The following SART1 variants were observed in gnomAD, a reference collection of about 807,000 sequenced individuals.
SART1 encodes the protein spliceosome associated factor 1, recruiter of U4/U6.U5 tri-snRNP.
Under a neutral mutation model 105.0 loss-of-function variants are expected in SART1, and 28 were observed. That is an observed-to-expected ratio of 0.27 (90% CI 0.20 to 0.37). The LOEUF is 0.37. SART1 is among the 10% of genes least tolerant of loss of function. The pLI is 1.00. For synonymous variants in SART1, 472 were observed against 462.9 expected (o/e 1.02, Z -0.25); for missense variants, 894 against 1,106.5 (o/e 0.81, Z 2.72).
rs1422061696 is a variant in SART1 at position 65,980,104 on chromosome 11, C to G, written c.*1074C>G. On this transcript the variant is annotated 3_prime_UTR_variant, in exon 20 of 20. Coordinates refer to ENST00000312397, the MANE Select transcript of SART1 (RefSeq NM_005146.5). Reference sequence around the variant, plus strand: ...CTGCAGCCTAGGTGACAGTCAGACCCTGTCTCAAAAAAAATAAAAAAAATT... The same window carrying G: ...CTGCAGCCTAGGTGACAGTCAGACCGTGTCTCAAAAAAAATAAAAAAAATT... Among the ~76,000 whole-genome samples, 4 of 151,876 alleles carry G rather than the reference C, an allele frequency of 2.6e-5. No individual in the cohort carries two copies. Among genetic ancestry groups the G allele is most frequent in the East Asian group, 1.9e-4 (1 of 5,190 alleles).
In SART1 at chr11:65,968,948, C is replaced by T. The variant is rs1855315708; in HGVS notation, c.1572+1127C>T. 1.3e-5 allele frequency among the ~76,000 whole-genome samples: 2 copies of T among 152,190 alleles called. 1 individual carries two copies. The highest frequency in any genetic ancestry group is 1.3e-4 in the Admixed American group (2 of 15,286). On this transcript the variant is annotated intron_variant, in intron 12 of 19. Coordinates refer to ENST00000312397, the MANE Select transcript of SART1 (RefSeq NM_005146.5). Reference sequence around the variant, plus strand: ...GAAGGTTCTGTCATCTCCATCATTCCAGAGGCCACACTTTTAGCCCTACCC... The same window carrying T: ...GAAGGTTCTGTCATCTCCATCATTCTAGAGGCCACACTTTTAGCCCTACCC...
Position 65,978,056 on chromosome 11 carries a change from CAG to C in SART1, c.2172+158_2172+159del. ...ATGCCACGGATGGGGAGGGGGCCCT[CAG>C]GGCTGAGGAAGGCTGTGCCTCAGTT... On this transcript the variant is annotated intron_variant, in intron 17 of 19. Transcript: ENST00000312397. The surrounding 1 kb of genome is among the most constrained non-coding windows in gnomAD (Gnocchi z 6.8). 1.3e-6 allele frequency: 1 copy of C among 755,392 alleles called. No individual in the cohort carries two copies. The allele number at this position is 755,392 out of a possible 1,614,324, so 46.8% of individuals were successfully genotyped here. A position where few individuals can be genotyped will look rare whatever the true frequency, so the allele number is the denominator to read the frequency against.
In SART1 at chr11:65,977,110, C is replaced by G. The variant is rs770029259; in HGVS notation, c.1945+9C>G. On this transcript the variant is annotated intron_variant, in intron 15 of 19. Transcript: ENST00000312397. ...CCTGTGTCAGAACAAAGGTAGGGAGCTCAGGGCAGCCATGACTTGGGTGGG... is the reference window on the plus strand; with the variant it reads ...CCTGTGTCAGAACAAAGGTAGGGAGGTCAGGGCAGCCATGACTTGGGTGGG... 12 of 1,608,930 alleles carry G rather than the reference C, an allele frequency of 7.5e-6. No individual in the cohort carries two copies. The East Asian group carries it at 2.7e-4, about 36-fold the overall frequency.
Position 65,961,926 on chromosome 11 carries a change from G to A in SART1, c.146G>A (p.Gly49Asp). The A allele has an allele frequency of 6.5e-7, 1 of 1,533,350 alleles. No individual in the cohort carries two copies. Among genetic ancestry groups the A allele is most frequent in the Non-Finnish European group, 8.8e-7 (1 of 1,139,476 alleles). 95.0% of individuals were successfully genotyped at this position (1,533,350 alleles called of 1,614,324 possible). A position where few individuals can be genotyped will look rare whatever the true frequency, so the allele number is the denominator to read the frequency against. Residue 49 changes from glycine to aspartate, a missense_variant, in exon 1 of 20, where the codon GGT becomes GAT. By Grantham distance (94) the Gly-to-Asp change is moderately conservative. Coordinates refer to ENST00000312397, the MANE Select transcript of SART1 (RefSeq NM_005146.5). ...KHRSGGSGGSGGERRKRSRER... is the reference protein window; with the variant it reads ...KHRSGGSGGSDGERRKRSRER... ...CGGAGTGGCGGCAGTGGCGGTAGCG[G>A]TGGCGAACGACGGAAGCGGAGCCGG...
chr11:65,970,092 C>A (rs569233272), intron 12 of SART1, among the ~76,000 whole-genome samples: 1 of 152,192 alleles, frequency 6.6e-6, no homozygotes, highest in South Asian at 2.1e-4. Context: ...GAAAGCCTAT[C>A]ACAGTGAACA....
At position 65,964,147 on chromosome 11, in the gene SART1, C is replaced by T. The variant is rs1490803533; in HGVS notation, c.371+16C>T. On this transcript the variant is annotated intron_variant, in intron 2 of 19. Coordinates refer to ENST00000312397, the MANE Select transcript of SART1 (RefSeq NM_005146.5). ...AGGAGACTAAGTGAGTACTGTCTCCCTTGTTTCTACTTTGTTTTTCTAAGA... is the reference window on the plus strand; with the variant it reads ...AGGAGACTAAGTGAGTACTGTCTCCTTTGTTTCTACTTTGTTTTTCTAAGA... The T allele has an allele frequency of 1.2e-6, 2 of 1,609,426 alleles. No individual in the cohort carries two copies. Among genetic ancestry groups the T allele is most frequent in the East Asian group, 2.2e-5 (1 of 44,888 alleles).
chr11:65,962,133 G>GGGGCC, intron 1 of SART1, 40 bp downstream of exon 1: 1 of 340,638 alleles, frequency 2.9e-6, no homozygotes, highest in Middle Eastern at 9.8e-4. Flanking sequence ...GGTCGGGCGG[G>GGGGCC]GGTCCCGGAA....
chr11:65,976,996 C>A lies in SART1; in HGVS notation c.1858-18C>A. 6.2e-7 allele frequency: 1 copy of A among 1,607,972 alleles called. No individual in the cohort carries two copies. The highest frequency in any genetic ancestry group is 8.5e-7 in the Non-Finnish European group (1 of 1,174,548). On this transcript the variant is annotated intron_variant, in intron 14 of 19. Transcript: ENST00000312397. This position sits in a 1 kb window ranked among gnomAD's most constrained non-coding sequence, Gnocchi z 5.1. ...AGCCGGTATGGCCTGCTAACCACCC[C>A]CGCCACGTGTCCCGTAGTTCTCTGC...
intron 9 of SART1, 31 bp from the exon 10 acceptor site, chr11:65,967,228 C>G (rs972974100): frequency 1.9e-6 from 3 of 1,608,646 alleles, no homozygotes; most frequent in Non-Finnish European, 2.5e-6. Flanking sequence ...TCTGTGGCCC[C>G]CGCTCCATGT....
Position 65,978,496 on chromosome 11 carries a change from T to G in SART1, c.2173-104T>G. On this transcript the variant is annotated intron_variant, in intron 17 of 19. Transcript: ENST00000312397. The surrounding 1 kb of genome is among the most constrained non-coding windows in gnomAD (Gnocchi z 6.8). ...TTCCCACTGCACCCCAGGCCTGGCA[T>G]TGGGGTCAATCAACACCCGCCCTGT... 22 of 1,076,872 alleles carry G rather than the reference T, an allele frequency of 2.0e-5. No individual in the cohort carries two copies. Among genetic ancestry groups the G allele is most frequent in the African/African-American group, 3.1e-5 (2 of 63,970 alleles). 66.7% of individuals were successfully genotyped at this position (1,076,872 alleles called of 1,614,324 possible). A position where few individuals can be genotyped will look rare whatever the true frequency, so the allele number is the denominator to read the frequency against.
chr11:65,973,206 G>T (rs1359471290), intron 12 of SART1, among the ~76,000 whole-genome samples: 1 of 151,924 alleles, frequency 6.6e-6, no homozygotes, highest in African/African-American at 2.4e-5. Flanking sequence ...TAAGTTTTTT[G>T]TTTTTTGTTT....
In SART1 at chr11:65,965,752, G is replaced by A. The variant is rs770323333; in HGVS notation, c.711G>A (p.Val237=). Residue 237 remains valine (V), a synonymous_variant, in exon 6 of 20, where the codon GTG becomes GTA. Coordinates refer to ENST00000312397, the MANE Select transcript of SART1 (RefSeq NM_005146.5). ...MDQEFGVSTL[V]EEEFGQRRQD... is the part of the protein sequence containing the mutation. ...AAGAGTTTGGTGTCAGCACTCTGGT[G>A]GAGGAGGAGTTCGGGCAGAGGCGGC... 6.2e-7 allele frequency: 1 copy of A among 1,614,108 alleles called. No individual in the cohort carries two copies. The highest frequency in any genetic ancestry group is 2.2e-5 in the East Asian group (1 of 44,884).
At chr11:65,970,569 T>C (rs1028032009) in intron 12 of SART1, among the ~76,000 whole-genome samples, 1 of 151,940 alleles carries the variant, frequency 6.6e-6, no homozygotes, top group African/African-American at 2.4e-5. Context: ...GCACAGCAGC[T>C]GTGGGTGACC....
At chr11:65,974,046 G>A (rs1442174319) in intron 12 of SART1, among the ~76,000 whole-genome samples, 2 of 152,000 alleles carry the variant, frequency 1.3e-5, no homozygotes, top group Non-Finnish European at 2.9e-5. Context: ...GGACATGGGT[G>A]TGTGTTTAGT....
chr11:65,973,339 C>T (rs1565316631), intron 12 of SART1, among the ~76,000 whole-genome samples: 1 of 151,606 alleles, frequency 6.6e-6, no homozygotes. Context: ...CAAATCAACA[C>T]AACAGGAAAA....
At chr11:65,974,812 A>G (rs60109456) in intron 12 of SART1, among the ~76,000 whole-genome samples, 50,280 of 151,960 alleles carry the variant, frequency 0.33, 8,764 homozygotes, top group Middle Eastern at 0.44. Flanking sequence ...AAGGCAGGCA[A>G]ATCACGAGGT....
Position 65,976,343 on chromosome 11 carries a change from T to G in SART1, c.1573-52T>G. 1 of 1,464,556 alleles carries G rather than the reference T, an allele frequency of 6.8e-7. No homozygotes were observed. Among genetic ancestry groups the G allele is most frequent in the Non-Finnish European group, 9.0e-7 (1 of 1,107,260 alleles). The allele number at this position is 1,464,556 out of a possible 1,614,324, so 90.7% of individuals were successfully genotyped here. A position where few individuals can be genotyped will look rare whatever the true frequency, so the allele number is the denominator to read the frequency against. The stretch of plus-strand genomic sequence containing the variant: ...GGACCCTTAGGTTCCTGGGTCTCAA[T>G]GGCATCACCCCAGAAACTGCTGGGT... On this transcript the variant is annotated intron_variant, in intron 12 of 19. Transcript: ENST00000312397. This position sits in a 1 kb window ranked among gnomAD's most constrained non-coding sequence, Gnocchi z 5.1.
At chr11:65,975,987 G>A (rs1855473371) in intron 12 of SART1, among the ~76,000 whole-genome samples, 1 of 152,076 alleles carries the variant, frequency 6.6e-6, no homozygotes, top group Admixed American at 6.6e-5. Context: ...AAAAGCGTGG[G>A]CCACCTCACC....
chr11:65,970,705 C>T (rs1377851400), intron 12 of SART1, among the ~76,000 whole-genome samples: 1 of 150,218 alleles, frequency 6.7e-6, no homozygotes, highest in Non-Finnish European at 1.5e-5. Flanking sequence ...GCAGATACAC[C>T]CTGGGAGAAG....
Sources: allele counts gnomAD v4.1 joint callset (sites outside exome capture counted in the v4.1 genomes callset), GRCh38; gene constraint gnomAD v4.1.1; non-coding constraint Gnocchi (gnomAD v3.1); transcripts MANE v1.5; gene names NCBI Gene and HGNC (gene_info 2026-07-23, HGNC 2026-07-21).